NTN1: variants seen among roughly 807,000 people sequenced by gnomAD.
NTN1 encodes the protein netrin 1.
A neutral mutation model predicts 54.2 loss-of-function variants in NTN1; 11 were observed. The ratio of observed to expected loss-of-function variants is 0.20; its 90% CI spans 0.13 to 0.34. The LOEUF is 0.34. NTN1 is among the 10% of genes least tolerant of loss of function. The pLI, the probability that NTN1 is intolerant of heterozygous loss-of-function variation, is 1.00. For synonymous variants in NTN1, 371 were observed against 382.0 expected (o/e 0.97, Z 0.33); for missense variants, 740 against 893.1 (o/e 0.83, Z 2.18).
In NTN1 at chr17:9,221,715, G is replaced by A. The variant is rs537674476; in HGVS notation, c.1486+473G>A. Among the ~76,000 whole-genome samples, 13 of 152,316 alleles carry A rather than the reference G, an allele frequency of 8.5e-5. No homozygotes were observed. The highest frequency in any genetic ancestry group is 3.1e-4 in the African/African-American group (13 of 41,572). Reference sequence around the variant, plus strand: ...GGGGCCGGGAGTCTGCGCTGTAAACGGCTCACCACTCATTCCCATGCACCG... The same window carrying A: ...GGGGCCGGGAGTCTGCGCTGTAAACAGCTCACCACTCATTCCCATGCACCG... On this transcript the variant is annotated intron_variant, in intron 6 of 6. Transcript: ENST00000173229. The surrounding 1 kb of genome is among the most constrained non-coding windows in gnomAD (Gnocchi z 4.5).
chr17:9,155,429 C>T (rs1482103015), intron 2 of NTN1, among the ~76,000 whole-genome samples: 1 of 151,532 alleles, frequency 6.6e-6, no homozygotes, highest in Non-Finnish European at 1.5e-5. Context: ...GCAACCTTTG[C>T]CTCCCGGGTT....
chr17:9,195,194 C>CGCCCCCCA (rs56410321), intron 5 of NTN1, among the ~76,000 whole-genome samples: 2 of 150,712 alleles, frequency 1.3e-5, no homozygotes, highest in African/African-American at 4.9e-5. Flanking sequence ...CGAGCTCTAC[C>CGCCCCCCA]ACCCCTCCAC....
intron 5 of NTN1, among the ~76,000 whole-genome samples, chr17:9,213,825 T>C (rs573922355): frequency 6.6e-6 from 1 of 152,336 alleles, no homozygotes; most frequent in Non-Finnish European, 1.5e-5. Context: ...TCTGTTCAGA[T>C]TCCATGTCTC....
At chr17:9,012,553 G>A in the NTN1 span, among the ~76,000 whole-genome samples, 2 of 143,494 alleles carry the variant, frequency 1.4e-5, no homozygotes, top group African/African-American at 5.1e-5. Context: ...AAAAAAACAA[G>A]CTCTGTCTTG....
chr17:9,057,642 T>C (rs1378765876), intron 2 of NTN1, among the ~76,000 whole-genome samples: 1 of 152,228 alleles, frequency 6.6e-6, no homozygotes, highest in Non-Finnish European at 1.5e-5. Flanking sequence ...GGTTGCTGTT[T>C]ACAAAACATC....
chr17:9,009,706 C>T, the NTN1 span, among the ~76,000 whole-genome samples: 3 of 152,194 alleles, frequency 2.0e-5, no homozygotes, highest in African/African-American at 7.2e-5. Context: ...TTAACAGTAG[C>T]TTACTCCTTG....
chr17:9,138,931 G>A (rs1381508996), intron 2 of NTN1, among the ~76,000 whole-genome samples: 2 of 152,194 alleles, frequency 1.3e-5, no homozygotes, highest in Non-Finnish European at 2.9e-5. Flanking sequence ...GATGCATCCA[G>A]GGCTCAAGTC....
At chr17:9,051,178 C>A (rs551029816) in intron 2 of NTN1, among the ~76,000 whole-genome samples, 16 of 152,318 alleles carry the variant, frequency 1.1e-4, no homozygotes, top group Admixed American at 2.6e-4. Context: ...TAAAGTTACA[C>A]CGACTTCAAA....
At chr17:9,188,350 C>T (rs1440305284) in intron 5 of NTN1, among the ~76,000 whole-genome samples, 1 of 150,402 alleles carries the variant, frequency 6.6e-6, no homozygotes, top group Non-Finnish European at 1.5e-5. Flanking sequence ...ATTGCTTGAA[C>T]CTGGGAGGTG....
At chr17:9,080,474 T>A (rs1230194479) in intron 2 of NTN1, among the ~76,000 whole-genome samples, 2 of 152,260 alleles carry the variant, frequency 1.3e-5, no homozygotes, top group Admixed American at 6.5e-5. Context: ...TTAGAACATT[T>A]GAAATCTCAT....
At position 9,198,334 on chromosome 17, in the gene NTN1, A is replaced by G. The variant is rs180851648; in HGVS notation, c.1411+15365A>G. 1.1e-4 allele frequency among the ~76,000 whole-genome samples: 17 copies of G among 152,346 alleles called. No homozygotes were observed. The East Asian group carries it at 3.1e-3, about 28-fold the overall frequency. Reference sequence around the variant, plus strand: ...TGCCCAAGTCAGTCAGCCATTGGCTATGTTACATGGGCAAGGGCACCTATA... The same window carrying G: ...TGCCCAAGTCAGTCAGCCATTGGCTGTGTTACATGGGCAAGGGCACCTATA... On this transcript the variant is annotated intron_variant, in intron 5 of 6. Transcript: ENST00000173229.
intron 2 of NTN1, among the ~76,000 whole-genome samples, chr17:9,077,306 T>A (rs1308781367): frequency 6.6e-6 from 1 of 152,212 alleles, no homozygotes; most frequent in Non-Finnish European, 1.5e-5. Flanking sequence ...TACATGTTGT[T>A]TGAGGAACGG....
intron 6 of NTN1, among the ~76,000 whole-genome samples, chr17:9,224,761 C>T (rs1039368200): frequency 2.0e-5 from 3 of 151,068 alleles, no homozygotes; most frequent in African/African-American, 7.3e-5. Context: ...GTCCACATTT[C>T]TGCTGCAAGA....
rs1252862789 is a variant in NTN1, at chr17:9,243,826, T to G, written c.*3858T>G. The G allele has an allele frequency of 6.7e-6, 1 of 149,154 alleles. No individual in the cohort carries two copies. The highest frequency in any genetic ancestry group is 6.7e-5 in the Admixed American group (1 of 14,988). 9.2% of individuals were successfully genotyped at this position (149,154 alleles called of 1,614,324 possible). A position where few individuals can be genotyped will look rare whatever the true frequency, so the allele number is the denominator to read the frequency against. On this transcript the variant is annotated 3_prime_UTR_variant, in exon 7 of 7. Coordinates refer to ENST00000173229, the MANE Select transcript of NTN1 (RefSeq NM_004822.3). ...ATGCATACTAATATATTATGGTTATTATATATGAATATATTTAATGACATG... is the reference window on the plus strand; with the variant it reads ...ATGCATACTAATATATTATGGTTATGATATATGAATATATTTAATGACATG...
intron 2 of NTN1, among the ~76,000 whole-genome samples, chr17:9,095,822 T>C (rs1314136977): frequency 6.6e-6 from 1 of 152,016 alleles, no homozygotes; most frequent in Non-Finnish European, 1.5e-5. Flanking sequence ...TTTTTTGAGA[T>C]GGAGTCTCAC....
At chr17:9,048,226 A>G (rs2091947042) in intron 2 of NTN1, among the ~76,000 whole-genome samples, 1 of 152,222 alleles carries the variant, frequency 6.6e-6, no homozygotes, top group Non-Finnish European at 1.5e-5. Context: ...GCAGGCATGA[A>G]AACAACATTC....
At chr17:9,118,352 A>G (rs527498421) in intron 2 of NTN1, among the ~76,000 whole-genome samples, 29 of 152,258 alleles carry the variant, frequency 1.9e-4, no homozygotes, top group African/African-American at 7.0e-4. Context: ...CCCTGTCTCT[A>G]CTAAAAATAC....
intron 6 of NTN1, among the ~76,000 whole-genome samples, chr17:9,232,812 A>G (rs1905859084): frequency 1.3e-5 from 2 of 152,114 alleles, no homozygotes; most frequent in Admixed American, 6.5e-5. Flanking sequence ...GATGAGCATC[A>G]CTGAGACCAA....
chr17:9,143,741 G>A (rs998806366), intron 2 of NTN1, among the ~76,000 whole-genome samples: 1 of 152,172 alleles, frequency 6.6e-6, no homozygotes, highest in Non-Finnish European at 1.5e-5. Context: ...ACCATGTCAC[G>A]CCAATGCTGG....
Sources: allele counts gnomAD v4.1 joint callset (sites outside exome capture counted in the v4.1 genomes callset), GRCh38; gene constraint gnomAD v4.1.1; non-coding constraint Gnocchi (gnomAD v3.1); transcripts MANE v1.5; gene names NCBI Gene and HGNC (gene_info 2026-07-23, HGNC 2026-07-21).